The following CELSR2 variants were observed in gnomAD, a reference collection of about 807,000 sequenced individuals.
CELSR2 encodes EGF-like protein 2.
CELSR2 carries 81 observed loss-of-function variants against 251.6 expected under a neutral mutation model. That is an observed-to-expected ratio of 0.32 (90% CI 0.27 to 0.39). CELSR2 has a LOEUF of 0.39. CELSR2 is among the 10% of genes least tolerant of loss of function. The pLI is 1.00. For synonymous variants in CELSR2, 1,721 were observed against 1,670.5 expected (o/e 1.03, Z -0.74); for missense variants, 3,365 against 3,947.7 (o/e 0.85, Z 3.96).
In CELSR2 at chr1:109,273,328, C is replaced by T; in HGVS notation, c.8501C>T (p.Pro2834Leu). ...LGPLPGSSAQPHKGILKKKCL... is the reference protein window; with the variant it reads ...LGPLPGSSAQLHKGILKKKCL... ...CCCCTTCCAGGCTCTTCTGCCCAGC[C>T]TCACAAAGGTGAGTGGGGCACCCCC... Residue 2834 changes from proline to leucine, a missense_variant, in exon 32 of 34, where the codon CCT (proline) becomes CTT (leucine). Pro to Leu is a moderately conservative substitution (Grantham distance 98). This residue lies in a region of CELSR2 where 2,093 missense variants were observed against 2,382.8 expected (regional missense o/e 0.88). Coordinates refer to ENST00000271332, the MANE Select transcript of CELSR2 (RefSeq NM_001408.3). 6 of 1,597,766 alleles carry T rather than the reference C, an allele frequency of 3.8e-6. No individual in the cohort carries two copies. The highest frequency in any genetic ancestry group is 5.1e-6 in the Non-Finnish European group (6 of 1,171,714).
chr1:109,273,892 G>T, intron 33 of CELSR2, 130 bp from the exon 34 acceptor site: 1 of 1,314,472 alleles, frequency 7.6e-7, no homozygotes, highest in South Asian at 1.2e-5. Context: ...GCCTAGGGCA[G>T]AGTGCGGGAG....
At position 109,274,053 on chromosome 1, in the gene CELSR2, T is replaced by C. The variant is rs776006350; in HGVS notation, c.*4T>C. On this transcript the variant is annotated 3_prime_UTR_variant, in exon 34 of 34. Coordinates refer to ENST00000271332, the MANE Select transcript of CELSR2 (RefSeq NM_001408.3). Reference sequence around the variant, plus strand: ...CTTCTTTAACTTCCTGCATTAACCCTGGGCCGTGGTTCCTACGCCCGAGGC... The same window carrying C: ...CTTCTTTAACTTCCTGCATTAACCCCGGGCCGTGGTTCCTACGCCCGAGGC... 6.2e-7 allele frequency: 1 copy of C among 1,614,140 alleles called. No individual in the cohort carries two copies. Among genetic ancestry groups the C allele is most frequent in the Non-Finnish European group, 8.5e-7 (1 of 1,180,024 alleles).
intron 1 of CELSR2, among the ~76,000 whole-genome samples, chr1:109,257,428 T>C (rs1655890264): frequency 6.6e-6 from 1 of 152,166 alleles, no homozygotes; most frequent in Admixed American, 6.5e-5. Context: ...GCTTTCATTT[T>C]TTAGCTAAAT....
intron 23 of CELSR2, 53 bp downstream of exon 23, chr1:109,270,186 C>T (rs1311653899): frequency 6.4e-7 from 1 of 1,574,166 alleles, no homozygotes; most frequent in Non-Finnish European, 8.7e-7. Flanking sequence ...GGCCGCCTCC[C>T]CAGCCCCCAC....
rs565484852 is a variant in CELSR2 at position 109,274,247 on chromosome 1, C to G, written c.*198C>G. The G allele has an allele frequency of 1.6e-4, 212 of 1,337,294 alleles. 3 individuals carry two copies. The South Asian group carries it at 2.6e-3, about 16-fold the overall frequency. The allele number at this position is 1,337,294 out of a possible 1,614,324, so 82.8% of individuals were successfully genotyped here. On this transcript the variant is annotated 3_prime_UTR_variant, in exon 34 of 34. Transcript: ENST00000271332. The stretch of plus-strand genomic sequence containing the variant: ...AAGGCCATCTAGTGCCAACTCCCCC[C>G]CCACCATTCCCCTCACTGCACTTTG...
At position 109,252,873 on chromosome 1, in the gene CELSR2, G is replaced by C; in HGVS notation, c.2794G>C (p.Glu932Gln). The C allele has an allele frequency of 6.2e-7, 1 of 1,613,286 alleles. No homozygotes were observed. The highest frequency in any genetic ancestry group is 8.5e-7 in the Non-Finnish European group (1 of 1,179,542). The change falls in exon 1 of 34, where the codon GAG (glutamate) becomes CAG (glutamine). Residue 932 changes from glutamate to glutamine, a missense_variant. Coordinates refer to ENST00000271332, the MANE Select transcript of CELSR2 (RefSeq NM_001408.3). The surrounding 1 kb of genome is among the most constrained non-coding windows in gnomAD (Gnocchi z 4.8). ...EQDEFDVFVE[E>Q]NSPIGLAVAR... The stretch of plus-strand genomic sequence containing the variant: ...GGATGAGTTTGATGTGTTTGTGGAA[G>C]AGAACAGCCCCATTGGGCTAGCCGT...
Position 109,273,200 on chromosome 1 carries a change from A to G in CELSR2, c.8373A>G (p.Pro2791=). The G allele has an allele frequency of 6.2e-7, 1 of 1,613,586 alleles. No individual in the cohort carries two copies. The highest frequency in any genetic ancestry group is 8.5e-7 in the Non-Finnish European group (1 of 1,179,820). ...CAGGGCCTGGCAAGGCCCCCTGGCC[A>G]GGAGACTTTGGGACCACAGCAAAAG... ...GGPGPGKAPW[P]GDFGTTAKES... Residue 2791 remains proline, a synonymous_variant, in exon 32 of 34, where the codon CCA becomes CCG. Transcript: ENST00000271332.
At position 109,272,657 on chromosome 1, in the gene CELSR2, A is replaced by C. The variant is rs775726719; in HGVS notation, c.8072A>C (p.Asn2691Thr). The C allele has an allele frequency of 1.2e-6, 2 of 1,613,374 alleles. No homozygotes were observed. Among genetic ancestry groups the C allele is most frequent in the Admixed American group, 1.7e-5 (1 of 59,992 alleles). The change falls in exon 30 of 34, where the codon AAC becomes ACC. Residue 2691 changes from asparagine (N) to threonine (T), a missense_variant. Transcript: ENST00000271332. ...PFLLREESAL[N>T]PGQGPPGLGD... ...CTTCCTAGGGAGGAGTCCGCACTGA[A>C]CCCTGGCCAAGGGCCCCCTGGCCTG...
chr1:109,273,422 G>C lies in CELSR2; in HGVS notation c.8510-14G>C, dbSNP rs768316910. 8.1e-6 allele frequency: 13 copies of C among 1,609,198 alleles called. No individual in the cohort carries two copies. In the Admixed American group the frequency reaches 2.2e-4, roughly 27 times the overall value. ...TCCTGTGGCCGCACCTCACAGCCCC[G>C]CCCCGGCCCACAGGCATCCTTAAGA... On this transcript the variant is annotated splice_polypyrimidine_tract_variant and intron_variant, in intron 32 of 33. Transcript: ENST00000271332.
chr1:109,253,266 A>T lies in CELSR2; in HGVS notation c.3187A>T (p.Ser1063Cys). The change falls in exon 1 of 34, where the codon AGC (serine) becomes TGC (cysteine). Residue 1063 changes from serine (S) to cysteine (C), a missense_variant. By Grantham distance (112) the Ser-to-Cys change is moderately radical. This residue lies in a region of CELSR2 where 505 missense variants were observed against 660.0 expected (regional missense o/e 0.77). Transcript: ENST00000271332. ...DPDISDSLTYSFERGNELSLV... is the reference protein window; with the variant it reads ...DPDISDSLTYCFERGNELSLV... ...TGATATCTCAGATAGTCTGACTTACAGCTTTGAGCGGGGAAATGAACTCAG... is the reference window on the plus strand; with the variant it reads ...TGATATCTCAGATAGTCTGACTTACTGCTTTGAGCGGGGAAATGAACTCAG... 6.2e-7 allele frequency: 1 copy of T among 1,613,450 alleles called. No individual in the cohort carries two copies. Among genetic ancestry groups the T allele is most frequent in the Non-Finnish European group, 8.5e-7 (1 of 1,180,032 alleles).
chr1:109,264,663 C>T (rs910464829), intron 11 of CELSR2, 35 bp downstream of exon 11: 1 of 1,599,482 alleles, frequency 6.3e-7, no homozygotes, highest in Admixed American at 1.7e-5. Context: ...GGCAGGTTAT[C>T]AGGTGCCTGG....
Position 109,249,980 on chromosome 1 carries a change from T to TGGCGCCCTGGCCCGGGCATGAGGCGCGGC in CELSR2, c.-97_-69dup. 8.9e-7 allele frequency: 1 copy of TGGCGCCCTGGCCCGGGCATGAGGCGCGGC among 1,127,340 alleles called. No individual in the cohort carries two copies. The highest frequency in any genetic ancestry group is 1.1e-6 in the Non-Finnish European group (1 of 906,676). The allele number at this position is 1,127,340 out of a possible 1,614,324, so 69.8% of individuals were successfully genotyped here. A position where few individuals can be genotyped will look rare whatever the true frequency, so the allele number is the denominator to read the frequency against. On this transcript the variant is annotated 5_prime_UTR_variant, in exon 1 of 34. It adds an upstream start codon to the 5' untranslated region. Coordinates refer to ENST00000271332, the MANE Select transcript of CELSR2 (RefSeq NM_001408.3). Reference sequence around the variant, plus strand: ...GGGCGCACGGGAGGCCCCCGGGGACTGGCGCCCTGGCCCGGGCATGAGGCG... The same window carrying TGGCGCCCTGGCCCGGGCATGAGGCGCGGC: ...GGGCGCACGGGAGGCCCCCGGGGACTGGCGCCCTGGCCCGGGCATGAGGCGCGGCGGCGCCCTGGCCCGGGCATGAGGCG...
intron 1 of CELSR2, among the ~76,000 whole-genome samples, chr1:109,255,232 C>T (rs1453661723): frequency 1.3e-5 from 2 of 152,234 alleles, no homozygotes; most frequent in Non-Finnish European, 2.9e-5. Flanking sequence ...TGTTTTCCTC[C>T]TCTTGTTCTT....
At chr1:109,260,754 C>T (rs139739536) in intron 2 of CELSR2, among the ~76,000 whole-genome samples, 19 of 152,246 alleles carry the variant, frequency 1.2e-4, no homozygotes, top group African/African-American at 4.1e-4. Flanking sequence ...CTTATGAAAC[C>T]CAAATGGGGT....
Position 109,262,826 on chromosome 1 carries a change from C to A in CELSR2, c.4565C>A (p.Pro1522His). Reference sequence around the variant, plus strand: ...CCCAGGTCTCTGGATCTGACGGGGCCCCTGCTACTAGGCGGGGTGCCTGAC... The same window carrying A: ...CCCAGGTCTCTGGATCTGACGGGGCACCTGCTACTAGGCGGGGTGCCTGAC... ...GSKKSLDLTG[P>H]LLLGGVPDLP... Residue 1522 changes from proline to histidine, a missense_variant, in exon 7 of 34, where the codon CCC becomes CAC. By Grantham distance (77) the Pro-to-His change is moderately conservative. Transcript: ENST00000271332. 6.2e-7 allele frequency: 1 copy of A among 1,613,276 alleles called. No individual in the cohort carries two copies. Among genetic ancestry groups the A allele is most frequent in the Non-Finnish European group, 8.5e-7 (1 of 1,179,778 alleles).
intron 1 of CELSR2, among the ~76,000 whole-genome samples, chr1:109,256,418 G>A (rs893880266): frequency 2.0e-5 from 3 of 152,100 alleles, no homozygotes; most frequent in South Asian, 2.1e-4. Flanking sequence ...GTGGGCAGTC[G>A]GCTGAGGACA....
At chr1:109,253,411 G>A (rs201576033) in intron 1 of CELSR2, 22 bp downstream of exon 1, 42 of 1,603,194 alleles carry the variant, frequency 2.6e-5, no homozygotes, top group South Asian at 7.7e-5. Context: ...CCCAGGTGGC[G>A]CTGGGGTGGG....
rs994946991 is a variant in CELSR2, at chr1:109,254,057, C to A, written c.3310+668C>A. 2.0e-5 allele frequency among the ~76,000 whole-genome samples: 3 copies of A among 152,306 alleles called. No homozygotes were observed. The East Asian group carries it at 5.8e-4, about 29-fold the overall frequency. ...AGAGCTCATTGTCTGTCCAAACAGA[C>A]CCCACTTTCAGAGTCCGTGGTTCGG... On this transcript the variant is annotated intron_variant, in intron 1 of 33. Transcript: ENST00000271332.
chr1:109,274,274 A>ACC lies in CELSR2; in HGVS notation c.*228_*229dup. 3 of 1,106,414 alleles carry ACC rather than the reference A, an allele frequency of 2.7e-6. No individual in the cohort carries two copies. Among genetic ancestry groups the ACC allele is most frequent in the Non-Finnish European group, 3.7e-6 (3 of 813,856 alleles). 68.5% of individuals were successfully genotyped at this position (1,106,414 alleles called of 1,614,324 possible). ...CACCATTCCCCTCACTGCACTTTGG[A>ACC]CCCCTGGGGCCAACATCTCCAAGAC... On this transcript the variant is annotated 3_prime_UTR_variant, in exon 34 of 34. Coordinates refer to ENST00000271332, the MANE Select transcript of CELSR2 (RefSeq NM_001408.3).
Sources: allele counts gnomAD v4.1 joint callset (sites outside exome capture counted in the v4.1 genomes callset), GRCh38; gene constraint gnomAD v4.1.1; regional missense constraint gnomAD v4.1.1; non-coding constraint Gnocchi (gnomAD v3.1); transcripts MANE v1.5; gene names NCBI Gene and HGNC (gene_info 2026-07-23, HGNC 2026-07-21).